The following NBAS variants were observed in gnomAD, a reference collection of about 807,000 sequenced individuals.
NBAS encodes the protein NAG/BC035112 fusion.
A neutral mutation model predicts 302.5 loss-of-function variants in NBAS; 219 were observed. That is an observed-to-expected ratio of 0.72 (90% confidence interval 0.65 to 0.81). The LOEUF (loss-of-function observed/expected upper bound fraction) is 0.81. NBAS is among the 30% of genes least tolerant of loss of function. The pLI is 0.00. For synonymous variants in NBAS, 1,118 were observed against 1,021.6 expected, an observed-to-expected ratio of 1.09 and a Z score of -1.80; for missense variants, 2,932 against 2,841.6, an observed-to-expected ratio of 1.03 and a Z score of -0.72.
intron 1 of NBAS, among the ~76,000 whole-genome samples, 186 bp downstream of exon 1, chr2:15,561,002 C>A (rs1664889508): frequency 6.6e-6 from 1 of 151,964 alleles, no homozygotes; most frequent in Non-Finnish European, 1.5e-5. Flanking sequence ...ATCTCAGGGA[C>A]CACCACCCCA....
At chr2:14,889,678 G>A in the NBAS span, among the ~76,000 whole-genome samples, 23 of 152,270 alleles carry the variant, frequency 1.5e-4, no homozygotes, top group African/African-American at 5.3e-4. Flanking sequence ...AAAGGGATAG[G>A]GAAATACACA....
chr2:14,923,380 G>A, the NBAS span, among the ~76,000 whole-genome samples: 1 of 152,156 alleles, frequency 6.6e-6, no homozygotes, highest in South Asian at 2.1e-4. Flanking sequence ...TAGAGTTTGT[G>A]GGAATGCAGT....
chr2:14,918,183 T>A, the NBAS span, among the ~76,000 whole-genome samples: 1 of 152,228 alleles, frequency 6.6e-6, no homozygotes, highest in South Asian at 2.1e-4. Flanking sequence ...GCCACTTGCA[T>A]CCTAATTTCT....
chr2:15,379,508 T>TA, intron 30 of NBAS, 94 bp downstream of exon 30: 3 of 1,258,152 alleles, frequency 2.4e-6, no homozygotes, highest in Admixed American at 3.8e-5. Flanking sequence ...TCTGTACCTG[T>TA]GATAATATAT....
chr2:15,208,319 G>A (rs1336438216), intron 48 of NBAS, among the ~76,000 whole-genome samples: 1 of 152,150 alleles, frequency 6.6e-6, no homozygotes, highest in East Asian at 1.9e-4. Flanking sequence ...AACAGTATGG[G>A]GGAAAGTGCC....
chr2:15,238,682 G>C lies in NBAS; in HGVS notation c.5729C>G (p.Ser1910Cys). 1 of 1,514,402 alleles carries C rather than the reference G, an allele frequency of 6.6e-7. No homozygotes were observed. Among genetic ancestry groups the C allele is most frequent in the East Asian group, 2.4e-5 (1 of 41,372 alleles). The allele number at this position is 1,514,402 out of a possible 1,614,324, so 93.8% of individuals were successfully genotyped here. Residue 1910 changes from serine (S) to cysteine (C), a missense_variant, in exon 45 of 52, where the codon TCT becomes TGT. Ser to Cys is a moderately radical substitution (Grantham distance 112). Transcript: ENST00000281513. Reference sequence around the variant, plus strand: ...AGTCATCTCTTTACGGGCTTCCACAGACAGCTTAAAAAAAAGAATAGTGAG... The same window carrying C: ...AGTCATCTCTTTACGGGCTTCCACACACAGCTTAAAAAAAAGAATAGTGAG... ...TFSPKAVTKL[S>C]VEARKEMTRK...
At chr2:15,350,762 T>C (rs1434474968) in intron 35 of NBAS, among the ~76,000 whole-genome samples, 1 of 152,168 alleles carries the variant, frequency 6.6e-6, no homozygotes, top group African/African-American at 2.4e-5. Flanking sequence ...TCCATCTCAT[T>C]AGTAATCAGA....
At chr2:15,392,250 CAA>C (rs555108809) in intron 28 of NBAS, among the ~76,000 whole-genome samples, 2 of 142,128 alleles carry the variant, frequency 1.4e-5, no homozygotes. Context: ...TATATGACAA[CAA>C]AAAAAAAAGC....
the NBAS span, among the ~76,000 whole-genome samples, chr2:14,823,477 G>C: frequency 6.6e-6 from 1 of 152,174 alleles, no homozygotes; most frequent in Non-Finnish European, 1.5e-5. Context: ...ACAGAACCTA[G>C]ATACATTTTA....
intron 23 of NBAS, 131 bp from the exon 24 acceptor site, chr2:15,417,843 T>C: frequency 1.2e-6 from 1 of 860,756 alleles, no homozygotes; most frequent in Non-Finnish European, 1.8e-6. Context: ...GTAACATACG[T>C]TTTTTATTTA....
rs566884143 is a variant in NBAS at position 15,544,629 on chromosome 2, TAGAC to T, written c.380-5277_380-5274del. 2.5e-3 allele frequency among the ~76,000 whole-genome samples: 379 copies of T among 152,232 alleles called. 2 individuals carry two copies. Among genetic ancestry groups the T allele is most frequent in the South Asian group, 0.013 (61 of 4,814 alleles). On this transcript the variant is annotated intron_variant, in intron 6 of 51. Coordinates refer to ENST00000281513, the MANE Select transcript of NBAS (RefSeq NM_015909.4). ...CAATAATAAAGAGAAAATTTTAAAG[TAGAC>T]AGAAGAAAGAAACACACCTTCTATC...
chr2:15,218,331 C>T (rs1051262614), intron 48 of NBAS, among the ~76,000 whole-genome samples: 4 of 138,082 alleles, frequency 2.9e-5, no homozygotes, highest in African/African-American at 1.2e-4. Flanking sequence ...TACTAAATAG[C>T]TGATTGATAT....
the NBAS span, among the ~76,000 whole-genome samples, chr2:14,989,331 A>G: frequency 1.8e-5 from 2 of 110,590 alleles, no homozygotes; most frequent in East Asian, 2.2e-4. Flanking sequence ...ATAACTTTAT[A>G]TATATATCTT....
At chr2:14,868,669 T>C in the NBAS span, among the ~76,000 whole-genome samples, 1 of 152,224 alleles carries the variant, frequency 6.6e-6, no homozygotes, top group African/African-American at 2.4e-5. Context: ...ATCCTCTCCT[T>C]ACTGAGTTTA....
At chr2:14,916,069 T>C in the NBAS span, among the ~76,000 whole-genome samples, 1 of 152,188 alleles carries the variant, frequency 6.6e-6, no homozygotes, top group Non-Finnish European at 1.5e-5. Context: ...AACGGACTAA[T>C]ACATTAACCT....
chr2:14,871,871 G>T, the NBAS span, among the ~76,000 whole-genome samples: 2 of 152,038 alleles, frequency 1.3e-5, no homozygotes, highest in Non-Finnish European at 2.9e-5. Flanking sequence ...TAGAATGGTA[G>T]ATTTAAATCC....
chr2:15,184,688 T>C (rs550546744), intron 50 of NBAS, among the ~76,000 whole-genome samples: 75 of 152,310 alleles, frequency 4.9e-4, no homozygotes, highest in African/African-American at 1.7e-3. Context: ...TGCAGTCTGG[T>C]ACCTGACAGG....
At chr2:15,121,255 T>C in the NBAS span, among the ~76,000 whole-genome samples, 4 of 152,190 alleles carry the variant, frequency 2.6e-5, no homozygotes, top group African/African-American at 9.7e-5. Flanking sequence ...TATCTCTCAG[T>C]ACATTGTAGT....
At chr2:15,293,179 A>AC (rs748767804) in intron 40 of NBAS, among the ~76,000 whole-genome samples, 5 of 152,218 alleles carry the variant, frequency 3.3e-5, no homozygotes, top group Non-Finnish European at 7.3e-5. Flanking sequence ...TCTGTGGACT[A>AC]CAGTAAGTGT....
Sources: allele counts gnomAD v4.1 joint callset (sites outside exome capture counted in the v4.1 genomes callset), GRCh38; gene constraint gnomAD v4.1.1; transcripts MANE v1.5; gene names NCBI Gene and HGNC (gene_info 2026-07-23, HGNC 2026-07-21).